CNGA2: variants seen among roughly 807,000 people sequenced by gnomAD.
CNGA2 encodes cyclic nucleotide gated channel subunit alpha 2.
Under a neutral mutation model 35.9 loss-of-function variants are expected in CNGA2, and 22 were observed. That is an observed-to-expected ratio of 0.61 (90% CI 0.44 to 0.88). The LOEUF is 0.88. CNGA2 is among the 40% of genes least tolerant of loss of function. The probability of loss-of-function intolerance (pLI) is 0.00; values close to 1 mark genes in which losing one functional copy is unlikely to be tolerated. For missense variants in CNGA2, 555 were observed against 530.8 expected (o/e 1.05, Z -0.45); for synonymous variants, 217 against 209.2 (o/e 1.04, Z -0.32).
rs147677240 is a variant in CNGA2 at position 151,743,355 on chromosome X, C to T, written c.852C>T (p.Val284=). ...GCAACCTTGTCCTCTACATCTTGGT[C>T]ATCATCCACTGGAATGCCTGCATCT... ...RISNLVLYIL[V]IIHWNACIYY... The change falls in exon 7 of 7, where the codon GTC becomes GTT. Residue 284 remains valine, a synonymous_variant. Transcript: ENST00000329903. The T allele has an allele frequency of 5.3e-5, 64 of 1,206,376 alleles. No homozygotes were observed. The African/African-American group carries it at 9.1e-4, about 17-fold the overall frequency.
Position 151,737,466 on chromosome X carries a change from C to A in CNGA2, c.-26-992C>A, listed in dbSNP as rs1603007074. Among the ~76,000 whole-genome samples the A allele has an allele frequency of 2.7e-5, 3 of 111,719 alleles. No individual in the cohort carries two copies. In the Admixed American group the frequency reaches 2.8e-4, roughly 11 times the overall value. ...CTCTGTCTCCTCTTTCTTTGTGATC[C>A]CACCCACTCTCTCCATTGCTCCCCA... On this transcript the variant is annotated intron_variant, in intron 1 of 6. Coordinates refer to ENST00000329903, the MANE Select transcript of CNGA2 (RefSeq NM_005140.3).
Position 151,743,138 on chromosome X carries a change from G to A in CNGA2, c.635G>A (p.Arg212Gln), listed in dbSNP as rs756672330. The change falls in exon 7 of 7, where the codon CGA (arginine) becomes CAA (glutamine). Residue 212 changes from arginine to glutamine, a missense_variant. Physicochemically the swap from Arg to Gln is conservative, Grantham distance 43. Coordinates refer to ENST00000329903, the MANE Select transcript of CNGA2 (RefSeq NM_005140.3). ...CTGGTCAAAGATACCAAGAAACTGC[G>A]AGACAACTACATCCACACCCTGCAG... Reference protein sequence around the residue: ...GLLVKDTKKLRDNYIHTLQFK... With the variant: ...GLLVKDTKKLQDNYIHTLQFK... 4.0e-5 allele frequency: 47 copies of A among 1,186,853 alleles called. No homozygotes were observed. The highest frequency in any genetic ancestry group is 1.6e-4 in the South Asian group (9 of 55,608).
intron 6 of CNGA2, among the ~76,000 whole-genome samples, 200 bp downstream of exon 6, chrX:151,742,842 G>A (rs1231589389): frequency 2.1e-5 from 2 of 97,002 alleles, no homozygotes; most frequent in Non-Finnish European, 4.0e-5. Context: ...GCCAGCCCTG[G>A]TATGTGAGCT....
chrX:151,744,066 G>A lies in CNGA2; in HGVS notation c.1563G>A (p.Glu521=). 8.3e-7 allele frequency: 1 copy of A among 1,211,410 alleles called. No individual in the cohort carries two copies. The highest frequency in any genetic ancestry group is 1.1e-6 in the Non-Finnish European group (1 of 895,474). Residue 521 remains glutamate, a synonymous_variant, in exon 7 of 7, where the codon GAG becomes GAA. Coordinates refer to ENST00000329903, the MANE Select transcript of CNGA2 (RefSeq NM_005140.3). ...ALLSAGSCFG[E]ISILNIKGSK... is the part of the protein sequence containing the mutation. The stretch of plus-strand genomic sequence containing the variant: ...TGTCGGCTGGAAGCTGCTTTGGCGA[G>A]ATCAGTATCCTTAACATTAAGGGCA...
At chrX:151,735,067 G>A (rs760668912) in intron 1 of CNGA2, among the ~76,000 whole-genome samples, 124 bp downstream of exon 1, 1 of 111,740 alleles carries the variant, frequency 8.9e-6, no homozygotes, top group Non-Finnish European at 1.9e-5. Context: ...CTCTAGGAAG[G>A]AATTTTCCTC....
rs2015347769 is a variant in CNGA2, at chrX:151,744,074, T to A, written c.1571T>A (p.Ile524Asn). The A allele has an allele frequency of 8.3e-7, 1 of 1,211,149 alleles. No homozygotes were observed. Among genetic ancestry groups the A allele is most frequent in the Non-Finnish European group, 1.1e-6 (1 of 895,369 alleles). Residue 524 changes from isoleucine (I) to asparagine (N), a missense_variant, in exon 7 of 7, where the codon ATC becomes AAC. Coordinates refer to ENST00000329903, the MANE Select transcript of CNGA2 (RefSeq NM_005140.3). ...GGAAGCTGCTTTGGCGAGATCAGTA[T>A]CCTTAACATTAAGGGCAGTAAAATG... ...SAGSCFGEIS[I>N]LNIKGSKMGN...
In CNGA2 at chrX:151,743,704, G is replaced by A. The variant is rs1369719543; in HGVS notation, c.1201G>A (p.Val401Ile). The A allele has an allele frequency of 8.3e-7, 1 of 1,211,722 alleles. No individual in the cohort carries two copies. The highest frequency in any genetic ancestry group is 1.1e-6 in the Non-Finnish European group (1 of 895,606). ...AVKHYMQFRK[V>I]SKGMEAKVIR... ...GAAACACTACATGCAGTTCCGAAAG[G>A]TCAGCAAGGGGATGGAAGCCAAGGT... The change falls in exon 7 of 7, where the codon GTC becomes ATC. Residue 401 changes from valine to isoleucine, a missense_variant. Transcript: ENST00000329903.
rs752041390 is a variant in CNGA2, at chrX:151,739,654, G to A, written c.296G>A (p.Arg99His). ...CCTGACTCATTCCTCGAGCGTTTTCGTGGGCCTGAACTCCAGACTGTGACC... is the reference window on the plus strand; with the variant it reads ...CCTGACTCATTCCTCGAGCGTTTTCATGGGCCTGAACTCCAGACTGTGACC... Reference protein sequence around the residue: ...PRPDSFLERFRGPELQTVTTQ... With the variant: ...PRPDSFLERFHGPELQTVTTQ... Residue 99 changes from arginine (R) to histidine (H), a missense_variant, in exon 4 of 7, where the codon CGT (arginine) becomes CAT (histidine). Arg to His is a conservative substitution (Grantham distance 29, BLOSUM62 0). Transcript: ENST00000329903. 1.3e-5 allele frequency: 16 copies of A among 1,209,816 alleles called. No individual in the cohort carries two copies. The highest frequency in any genetic ancestry group is 3.5e-5 in the South Asian group (2 of 56,777).
At chrX:151,739,010 T>C (rs1368958946) in intron 3 of CNGA2, 131 bp downstream of exon 3, 2 of 513,289 alleles carry the variant, frequency 3.9e-6, no homozygotes, top group African/African-American at 2.4e-5. Flanking sequence ...CTGTCACTGG[T>C]AGCCAAATTT....
rs1018596411 is a variant in CNGA2 at position 151,738,501 on chromosome X, T to C, written c.18T>C (p.Asn6=). ...CATGGAGGATGACCGAAAAAACCAA[T>C]GGTGTGAAGAGCTCCCCAGCCAATA... The part of the protein sequence containing the change: MTEKT[N]GVKSSPANNH... The change falls in exon 2 of 7, where the codon AAT becomes AAC. Residue 6 remains asparagine (N), a synonymous_variant. Transcript: ENST00000329903. 8.3e-7 allele frequency: 1 copy of C among 1,208,714 alleles called. No homozygotes were observed. The highest frequency in any genetic ancestry group is 1.8e-5 in the African/African-American group (1 of 56,952).
Position 151,739,963 on chromosome X carries a change from G to C in CNGA2, c.374+231G>C, listed in dbSNP as rs747230859. The stretch of plus-strand genomic sequence containing the variant: ...TCTGGTGTCTTTTCTCGCCTTAGTT[G>C]CCTCTTGCCAGATGTCCTCTTGCTG... On this transcript the variant is annotated intron_variant, in intron 4 of 6. Coordinates refer to ENST00000329903, the MANE Select transcript of CNGA2 (RefSeq NM_005140.3). 4.3e-4 allele frequency among the ~76,000 whole-genome samples: 48 copies of C among 112,482 alleles called. No individual in the cohort carries two copies. The Middle Eastern group carries it at 0.014, about 33-fold the overall frequency.
Position 151,735,853 on chromosome X carries a change from C to G in CNGA2, c.-27+910C>G, listed in dbSNP as rs771139698. 2.7e-5 allele frequency among the ~76,000 whole-genome samples: 3 copies of G among 110,914 alleles called. No individual in the cohort carries two copies. In the East Asian group the frequency reaches 8.5e-4, roughly 32 times the overall value. On this transcript the variant is annotated intron_variant, in intron 1 of 6. Transcript: ENST00000329903. ...GTGCTCTATCTCTTGTCTGTCCCCT[C>G]CTACTCCTCGCTTGAAACTTCATGA...
intron 5 of CNGA2, among the ~76,000 whole-genome samples, chrX:151,741,361 C>T (rs990113436): frequency 8.9e-6 from 1 of 112,033 alleles, no homozygotes; most frequent in Non-Finnish European, 1.9e-5. Flanking sequence ...CTTCCATTTT[C>T]CACCTATGGA....
At chrX:151,738,309 A>G in intron 1 of CNGA2, 149 bp from the exon 2 acceptor site, 1 of 442,469 alleles carries the variant, frequency 2.3e-6, no homozygotes, top group Admixed American at 4.0e-5. Flanking sequence ...GCTGAATCCC[A>G]CTGCCCTGAC....
chrX:151,744,645 T>G lies in CNGA2; in HGVS notation c.*147T>G, dbSNP rs973970464. On this transcript the variant is annotated 3_prime_UTR_variant, in exon 7 of 7. Transcript: ENST00000329903. ...CCTCTCTGACCCTGGGTTTTTGGCC[T>G]AAACATCCAAGATTCCGCCTCCAAG... 8 of 515,578 alleles carry G rather than the reference T, an allele frequency of 1.6e-5. No homozygotes were observed. The South Asian group carries it at 1.9e-4, about 12-fold the overall frequency. The allele number at this position is 515,578 out of a possible 1,213,427, so 42.5% of individuals were successfully genotyped here. A position where few individuals can be genotyped will look rare whatever the true frequency, so the allele number is the denominator to read the frequency against.
At chrX:151,739,993 T>A (rs752722329) in intron 4 of CNGA2, among the ~76,000 whole-genome samples, 2 of 112,318 alleles carry the variant, frequency 1.8e-5, no homozygotes, top group Admixed American at 1.9e-4. Context: ...TTGCTGCACA[T>A]GAATGTATAG....
In CNGA2 at chrX:151,740,266, G is replaced by T. The variant is rs146483434; in HGVS notation, c.375-528G>T. 1.1e-3 allele frequency among the ~76,000 whole-genome samples: 125 copies of T among 112,664 alleles called. 1 individual carries two copies. Among genetic ancestry groups the T allele is most frequent in the African/African-American group, 3.4e-3 (105 of 30,994 alleles). ...ACATTCCCCACCTCTGGCTAGTGGA[G>T]AGAAAGCAGGACACAACATCCCTTG... On this transcript the variant is annotated intron_variant, in intron 4 of 6. Transcript: ENST00000329903.
Position 151,743,161 on chromosome X carries a change from C to T in CNGA2, c.658C>T (p.Gln220Ter). 2 of 1,203,844 alleles carry T rather than the reference C, an allele frequency of 1.7e-6. No homozygotes were observed. Among genetic ancestry groups the T allele is most frequent in the Non-Finnish European group, 2.2e-6 (2 of 892,968 alleles). ...GCGAGACAACTACATCCACACCCTG[C>T]AGTTCAAGCTGGATGTGGCTTCCAT... ...KLRDNYIHTL[Q>*]FKLDVASIIP... is the part of the protein sequence containing the mutation. Residue 220 changes from glutamine (Q) to a stop codon, truncating the protein, a stop_gained, in exon 7 of 7, where the codon CAG becomes TAG. Transcript: ENST00000329903. LOFTEE classifies it high-confidence loss of function.
At chrX:151,741,355 C>T (rs185693166) in intron 5 of CNGA2, among the ~76,000 whole-genome samples, 2 of 112,012 alleles carry the variant, frequency 1.8e-5, no homozygotes, top group East Asian at 5.6e-4. Flanking sequence ...CTTTCCCTTC[C>T]ATTTTCCACC....
Sources: gnomAD v4.1 joint callset for allele counts (sites outside exome capture counted in the v4.1 genomes callset) on GRCh38, gnomAD v4.1.1 for gene constraint, MANE v1.5 for transcripts, NCBI Gene and HGNC (gene_info 2026-07-23, HGNC 2026-07-21) for gene names.